Variants in NOL4 observed in about 807,000 individuals in gnomAD.
NOL4 encodes the protein nucleolar protein 4, also known as cancer/testis antigen 125.
NOL4 carries 17 observed loss-of-function variants against 75.9 expected under a neutral mutation model. The observed-to-expected ratio is 0.22, with a 90% CI of 0.15 to 0.34. NOL4 has a LOEUF of 0.34. Ranked by LOEUF, NOL4 falls within the 10% of genes least tolerant of loss-of-function variation. The pLI is 1.00. For missense variants in NOL4, 614 were observed against 793.5 expected, an observed-to-expected ratio of 0.77 and a Z score of 2.72; for synonymous variants, 292 against 289.9, an observed-to-expected ratio of 1.01 and a Z score of -0.07.
intron 9 of NOL4, among the ~76,000 whole-genome samples, chr18:33,899,321 T>C (rs2065608634): frequency 6.6e-6 from 1 of 152,188 alleles, no homozygotes; most frequent in Non-Finnish European, 1.5e-5. Flanking sequence ...AAATTTGTAC[T>C]GACTTAAGAT....
At chr18:33,981,201 G>A (rs1433800493) in intron 6 of NOL4, among the ~76,000 whole-genome samples, 2 of 151,142 alleles carry the variant, frequency 1.3e-5, no homozygotes. Flanking sequence ...GAATATGTAA[G>A]AACTGTGGGA....
intron 1 of NOL4, among the ~76,000 whole-genome samples, chr18:34,211,786 A>C (rs2146565618): frequency 6.6e-6 from 1 of 152,328 alleles, no homozygotes; most frequent in South Asian, 2.1e-4. Context: ...ATAGAAAGGA[A>C]GAAAATCAAA....
chr18:33,868,693 G>A (rs1046961552), intron 10 of NOL4, among the ~76,000 whole-genome samples: 7 of 100,628 alleles, frequency 7.0e-5, no homozygotes, highest in African/African-American at 1.1e-4. Flanking sequence ...ACACACACAC[G>A]TTTATCCCAG....
At chr18:34,037,679 T>C (rs73416345) in intron 5 of NOL4, among the ~76,000 whole-genome samples, 22,057 of 152,042 alleles carry the variant, frequency 0.15, 1,715 homozygotes, top group Middle Eastern at 0.2. Context: ...CCCTCTTCGA[T>C]ACACATACAG....
intron 6 of NOL4, among the ~76,000 whole-genome samples, chr18:34,012,001 T>C (rs936976542): frequency 1.3e-5 from 2 of 151,950 alleles, no homozygotes; most frequent in African/African-American, 4.8e-5. Context: ...CCTCACCTTC[T>C]TCATTTTCCT....
intron 10 of NOL4, among the ~76,000 whole-genome samples, chr18:33,870,954 A>G (rs1473138091): frequency 1.3e-5 from 2 of 152,054 alleles, no homozygotes; most frequent in African/African-American, 4.8e-5. Context: ...TTTTGTAATC[A>G]GTTTTAATTC....
intron 6 of NOL4, among the ~76,000 whole-genome samples, chr18:33,976,210 C>T (rs1054916733): frequency 2.6e-5 from 4 of 152,034 alleles, no homozygotes; most frequent in South Asian, 2.1e-4. Flanking sequence ...TCCTTGTGAC[C>T]GTCTCACAGC....
At chr18:34,131,909 A>C (rs1484414480) in intron 1 of NOL4, among the ~76,000 whole-genome samples, 2 of 152,198 alleles carry the variant, frequency 1.3e-5, no homozygotes, top group Non-Finnish European at 2.9e-5. Flanking sequence ...AATGGTTGCT[A>C]GGGTAGTATA....
At chr18:33,946,783 A>G (rs747582694) in intron 8 of NOL4, among the ~76,000 whole-genome samples, 4 of 151,756 alleles carry the variant, frequency 2.6e-5, no homozygotes, top group Non-Finnish European at 4.4e-5. Flanking sequence ...CAAAGACAAA[A>G]ATGTAACTTA....
At chr18:33,894,340 G>C (rs2065272933) in intron 9 of NOL4, among the ~76,000 whole-genome samples, 1 of 152,110 alleles carries the variant, frequency 6.6e-6, no homozygotes, top group South Asian at 2.1e-4. Flanking sequence ...CTCAGATACA[G>C]ATACGCATAC....
chr18:34,106,994 A>G (rs1279918186), intron 2 of NOL4, among the ~76,000 whole-genome samples: 1 of 152,128 alleles, frequency 6.6e-6, no homozygotes, highest in Non-Finnish European at 1.5e-5. Context: ...CTAGATTTCT[A>G]TTAAATTTTT....
At chr18:34,102,467 A>G (rs1383886959) in intron 4 of NOL4, among the ~76,000 whole-genome samples, 2 of 152,094 alleles carry the variant, frequency 1.3e-5, no homozygotes, top group Non-Finnish European at 2.9e-5. Context: ...AATTTTGCAA[A>G]TAATCTAACT....
chr18:34,172,230 TTTTGGATAAC>T (rs1177749071), intron 1 of NOL4, among the ~76,000 whole-genome samples: 1 of 152,118 alleles, frequency 6.6e-6, no homozygotes, highest in Non-Finnish European at 1.5e-5. Context: ...AACTAAATAT[TTTTGGATAAC>T]TACATCAAAG....
intron 2 of NOL4, among the ~76,000 whole-genome samples, chr18:34,108,768 T>C (rs2079441452): frequency 6.6e-6 from 1 of 152,154 alleles, no homozygotes; most frequent in Admixed American, 6.6e-5. Flanking sequence ...TATATCCCTT[T>C]CAATAGTAAA....
intron 2 of NOL4, among the ~76,000 whole-genome samples, chr18:34,123,542 T>TATATATATGTGATAACC (rs1555731503): frequency 7.0e-6 from 1 of 143,390 alleles, no homozygotes; most frequent in African/African-American, 2.7e-5. Context: ...CATATATATA[T>TATATATATGTGATAACC]ATATATATAT....
intron 6 of NOL4, among the ~76,000 whole-genome samples, chr18:34,000,357 T>C (rs928359746): frequency 1.3e-5 from 2 of 152,156 alleles, no homozygotes; most frequent in Non-Finnish European, 2.9e-5. Flanking sequence ...TTGAATGTTA[T>C]ACTATACCAC....
intron 2 of NOL4, among the ~76,000 whole-genome samples, chr18:34,116,540 A>G (rs541977389): frequency 6.6e-6 from 1 of 152,178 alleles, no homozygotes; most frequent in South Asian, 2.1e-4. Context: ...AAGCAATCTA[A>G]TTTGCAAAAC....
At chr18:34,005,904 T>G (rs2074003830) in intron 6 of NOL4, among the ~76,000 whole-genome samples, 3 of 152,104 alleles carry the variant, frequency 2.0e-5, no homozygotes. Context: ...TATTCTCTTC[T>G]TTCTTTTCAC....
chr18:33,981,223 G>T (rs545998761), intron 6 of NOL4, among the ~76,000 whole-genome samples: 2 of 150,618 alleles, frequency 1.3e-5, no homozygotes, highest in African/African-American at 4.9e-5. Flanking sequence ...AACCACAAAA[G>T]GTATGAAATA....
Sources: gnomAD v4.1 joint callset for allele counts (sites outside exome capture counted in the v4.1 genomes callset) on GRCh38, gnomAD v4.1.1 for gene constraint, MANE v1.5 for transcripts, NCBI Gene and HGNC (gene_info 2026-07-23, HGNC 2026-07-21) for gene names.